The following PDGFRL variants were observed in gnomAD, a reference collection of about 807,000 sequenced individuals.
The protein encoded by PDGFRL is platelet-derived growth factor receptor-like protein.
In PDGFRL, 46 loss-of-function variants were observed where a neutral mutation model predicts 37.2. The observed-to-expected ratio is 1.24, with a 90% CI of 0.98 to 1.58. The LOEUF is 1.58. Among genes scored for constraint, PDGFRL ranks in the 40% most tolerant of loss-of-function variants. The pLI, the probability that PDGFRL is intolerant of heterozygous loss-of-function variation, is 0.00. For synonymous variants in PDGFRL, 251 were observed against 184.3 expected, an observed-to-expected ratio of 1.36 and a Z score of -2.93; for missense variants, 692 against 467.6, an observed-to-expected ratio of 1.48 and a Z score of -4.43.
intron 2 of PDGFRL, among the ~76,000 whole-genome samples, chr8:17,591,264 T>C (rs923385126): frequency 6.6e-6 from 1 of 152,168 alleles, no homozygotes; most frequent in Admixed American, 6.5e-5. Context: ...TGATTTCTCA[T>C]GTTTGAATGA....
intron 2 of PDGFRL, among the ~76,000 whole-genome samples, chr8:17,608,490 A>C (rs1238349446): frequency 6.6e-6 from 1 of 152,218 alleles, no homozygotes; most frequent in Non-Finnish European, 1.5e-5. Context: ...ATCAGCTGGT[A>C]GGCATCCTGG....
At chr8:17,586,915 T>A (rs1458087936) in intron 1 of PDGFRL, among the ~76,000 whole-genome samples, 6 of 152,228 alleles carry the variant, frequency 3.9e-5, no homozygotes. Flanking sequence ...CACCTATTTC[T>A]CTATAAATTA....
intron 2 of PDGFRL, among the ~76,000 whole-genome samples, 188 bp downstream of exon 2, chr8:17,589,953 C>T (rs938466828): frequency 5.3e-5 from 8 of 151,832 alleles, no homozygotes; most frequent in African/African-American, 9.7e-5. Context: ...AATTGCAGGC[C>T]GGGTGCGGTG....
chr8:17,635,365 T>G (rs1332283476), intron 5 of PDGFRL, among the ~76,000 whole-genome samples: 1 of 152,148 alleles, frequency 6.6e-6, no homozygotes, highest in Non-Finnish European at 1.5e-5. Flanking sequence ...TAGCTCGCAT[T>G]TAACAGTAAG....
intron 1 of PDGFRL, among the ~76,000 whole-genome samples, chr8:17,585,162 C>G (rs73198126): frequency 0.16 from 24,828 of 152,100 alleles, 2,473 homozygotes; most frequent in Non-Finnish European, 0.23. Flanking sequence ...GTGAGGATGA[C>G]TAGAGGTCAC....
intron 5 of PDGFRL, among the ~76,000 whole-genome samples, chr8:17,636,923 G>C (rs936928993): frequency 7.9e-5 from 12 of 152,164 alleles, no homozygotes. Context: ...CTTGGTTGCT[G>C]TTGGTTTATA....
intron 2 of PDGFRL, among the ~76,000 whole-genome samples, chr8:17,612,909 A>G (rs1190951618): frequency 6.6e-6 from 1 of 152,104 alleles, no homozygotes; most frequent in African/African-American, 2.4e-5. Context: ...AAAGTTATCA[A>G]AATATTCTAT....
In PDGFRL at chr8:17,578,922, G is replaced by A. The variant is rs760428561; in HGVS notation, c.55+1615G>A. Among the ~76,000 whole-genome samples, 23 of 152,210 alleles carry A rather than the reference G, an allele frequency of 1.5e-4. 1 individual carries two copies. The highest frequency in any genetic ancestry group is 2.5e-4 in the Non-Finnish European group (17 of 68,048). On this transcript the variant is annotated intron_variant, in intron 1 of 5. Transcript: ENST00000251630. ...TTTATAAAAGTACACACATCTGGCC[G>A]GGCACAGTGGCTCATGCCTGTAATC...
At chr8:17,632,775 C>T (rs1467581768) in intron 4 of PDGFRL, among the ~76,000 whole-genome samples, 1 of 152,130 alleles carries the variant, frequency 6.6e-6, no homozygotes, top group Non-Finnish European at 1.5e-5. Context: ...CCCTCCCCTC[C>T]TCTCCCCAGC....
rs145945382 is a variant in PDGFRL at position 17,610,914 on chromosome 8, A to C, written c.354-10137A>C. Among the ~76,000 whole-genome samples the C allele has an allele frequency of 3.4e-3, 501 of 147,792 alleles. 5 individuals are homozygous for C. The highest frequency in any genetic ancestry group is 0.012 in the African/African-American group (473 of 40,612). ...GGACAGTGAGATTCCGTCTCAAAAA[A>C]AATTACACGAGAATTGATGATTTCG... On this transcript the variant is annotated intron_variant, in intron 2 of 5. Coordinates refer to ENST00000251630, the MANE Select transcript of PDGFRL (RefSeq NM_001372073.1).
chr8:17,603,595 T>C (rs1268528297), intron 2 of PDGFRL, among the ~76,000 whole-genome samples: 1 of 152,164 alleles, frequency 6.6e-6, no homozygotes, highest in Non-Finnish European at 1.5e-5. Flanking sequence ...TCGAACACTC[T>C]GTTTCTTGAC....
chr8:17,642,118 C>T (rs1376801173), intron 5 of PDGFRL, among the ~76,000 whole-genome samples: 1 of 152,122 alleles, frequency 6.6e-6, no homozygotes, highest in African/African-American at 2.4e-5. Flanking sequence ...TCCTAAGGCA[C>T]ACTGGCCTAA....
rs1377671630 is a variant in PDGFRL at position 17,628,335 on chromosome 8, C to CA, written c.506-146dup. On this transcript the variant is annotated intron_variant, in intron 3 of 5. Coordinates refer to ENST00000251630, the MANE Select transcript of PDGFRL (RefSeq NM_001372073.1). ...GAGACAGGAAGTTAAATCATTCTTCCAAAAAATGAAAAGCATTAAAGTAAA... is the reference window on the plus strand; with the variant it reads ...GAGACAGGAAGTTAAATCATTCTTCCAAAAAAATGAAAAGCATTAAAGTAAA... 7.9e-6 allele frequency: 5 copies of CA among 628,990 alleles called. No individual in the cohort carries two copies. In the African/African-American group the frequency reaches 9.2e-5, roughly 12 times the overall value. 39.0% of individuals were successfully genotyped at this position (628,990 alleles called of 1,614,324 possible).
Position 17,634,077 on chromosome 8 carries a change from C to T in PDGFRL, c.803C>T (p.Pro268Leu). Residue 268 changes from proline to leucine, a missense_variant, in exon 5 of 6, where the codon CCC becomes CTC. Transcript: ENST00000251630. ...CCTGTTTCGTGCTTGCTTCCAGTTC[C>T]CAGTGGCCCTCCCTCAACAACCATC... is the stretch of plus-strand genomic sequence containing the variant. Reference protein sequence around the residue: ...VKYQLLYVAVPSGPPSTTILA... With the variant: ...VKYQLLYVAVLSGPPSTTILA... 1 of 1,614,076 alleles carries T rather than the reference C, an allele frequency of 6.2e-7. No individual in the cohort carries two copies. Among genetic ancestry groups the T allele is most frequent in the South Asian group, 1.1e-5 (1 of 91,084 alleles).
rs61733860 is a variant in PDGFRL at position 17,589,661 on chromosome 8, C to A, written c.249C>A (p.Thr83=). 2.1e-3 allele frequency: 3,324 copies of A among 1,613,248 alleles called. 74 individuals are homozygous for A. In the African/African-American group the frequency reaches 0.039, roughly 19 times the overall value. The change falls in exon 2 of 6, where the codon ACC becomes ACA. Residue 83 remains threonine (T), a synonymous_variant. Coordinates refer to ENST00000251630, the MANE Select transcript of PDGFRL (RefSeq NM_001372073.1). ...GTCGCTTCCAGAAACCCGCCGCTAC[C>A]CTGAGTCTGCTGGCGGGGCAAACTG... ...DKGRFQKPAA[T]LSLLAGQTVE...
intron 5 of PDGFRL, among the ~76,000 whole-genome samples, chr8:17,640,051 C>T (rs1330435572): frequency 6.6e-6 from 1 of 152,138 alleles, no homozygotes; most frequent in East Asian, 1.9e-4. Context: ...GTTCTTTCTT[C>T]TGGTTGTTCA....
intron 2 of PDGFRL, among the ~76,000 whole-genome samples, chr8:17,595,307 GT>G (rs1293521506): frequency 2.0e-5 from 3 of 152,114 alleles, no homozygotes; most frequent in Non-Finnish European, 4.4e-5. Flanking sequence ...GCCTTTCCAA[GT>G]TCCACTTGAG....
rs796265267 is a variant in PDGFRL at position 17,589,764 on chromosome 8, A to T, written c.352A>T (p.Ser118Cys). Residue 118 changes from serine to cysteine, a missense_variant and splice_region_variant, in exon 2 of 6, where the codon AGC becomes TGC. Physicochemically the swap from Ser to Cys is moderately radical, Grantham distance 112 (BLOSUM62 -1). Transcript: ENST00000251630. ...YLDTFKDSRLSVKQNERYGQL... is the reference protein window; with the variant it reads ...YLDTFKDSRLCVKQNERYGQL... ...GGACACCTTTAAGGATTCTCGCCTC[A>T]GGTAAGCATTTTTTTTTAAAACTGT... 2 of 1,581,208 alleles carry T rather than the reference A, an allele frequency of 1.3e-6. No individual in the cohort carries two copies. Among genetic ancestry groups the T allele is most frequent in the South Asian group, 2.3e-5 (2 of 88,030 alleles).
chr8:17,640,292 C>G (rs762012613), intron 5 of PDGFRL, among the ~76,000 whole-genome samples: 5 of 152,110 alleles, frequency 3.3e-5, no homozygotes, highest in Non-Finnish European at 7.4e-5. Flanking sequence ...TCAGGGATTT[C>G]TTTTTGGATT....
Sources: allele counts gnomAD v4.1 joint callset (sites outside exome capture counted in the v4.1 genomes callset), GRCh38; gene constraint gnomAD v4.1.1; transcripts MANE v1.5; gene names NCBI Gene and HGNC (gene_info 2026-07-23, HGNC 2026-07-21).